TENM2: variants seen among roughly 807,000 people sequenced by gnomAD.
The protein encoded by TENM2 is teneurin transmembrane protein 2, also known as teneurin-2.
TENM2 carries 52 observed loss-of-function variants against 245.2 expected under a neutral mutation model. That is an observed-to-expected ratio of 0.21 (90% CI 0.17 to 0.27). The LOEUF (loss-of-function observed/expected upper bound fraction) is 0.27, where lower values mean the gene tolerates loss of function less well. TENM2 is among the 10% of genes least tolerant of loss of function. The pLI is 1.00. For missense variants in TENM2, 3,046 were observed against 3,666.8 expected, an observed-to-expected ratio of 0.83 and a Z score of 4.37; for synonymous variants, 1,363 against 1,438.9, an observed-to-expected ratio of 0.95 and a Z score of 1.19.
intron 5 of TENM2, among the ~76,000 whole-genome samples, chr5:168,044,904 CAAGT>C (rs1788482631): frequency 6.7e-6 from 1 of 150,086 alleles, no homozygotes; most frequent in Non-Finnish European, 1.5e-5. Context: ...TTTTCTTACT[CAAGT>C]GAGAGAGAAA....
intron 2 of TENM2, among the ~76,000 whole-genome samples, chr5:167,760,941 G>A (rs761283590): frequency 2.0e-5 from 3 of 152,086 alleles, no homozygotes; most frequent in South Asian, 2.1e-4. Context: ...GTGAGCCACC[G>A]CACCTGGCCT....
chr5:167,167,313 G>A, the TENM2 span, among the ~76,000 whole-genome samples: 4 of 152,066 alleles, frequency 2.6e-5, no homozygotes, highest in Admixed American at 2.6e-4. Context: ...CTTTTATTAT[G>A]GTAAGTTCCC....
At chr5:167,705,690 T>C (rs1481615708) in intron 2 of TENM2, among the ~76,000 whole-genome samples, 4 of 152,212 alleles carry the variant, frequency 2.6e-5, no homozygotes, top group Admixed American at 2.0e-4. Context: ...TTTAGGCTTA[T>C]AAAGCAAAGA....
intron 2 of TENM2, among the ~76,000 whole-genome samples, chr5:167,602,086 A>G (rs1472188881): frequency 6.6e-6 from 1 of 151,840 alleles, no homozygotes; most frequent in African/African-American, 2.4e-5. Context: ...GGTTTTGGCC[A>G]TGAATACTGC....
At position 167,285,398 on chromosome 5, in the gene TENM2, G is replaced by A. The variant is rs116578682; in HGVS notation, c.226+335G>A. Among the ~76,000 whole-genome samples the A allele has an allele frequency of 7.9e-3, 1,207 of 152,102 alleles. 16 individuals are homozygous for A. The highest frequency in any genetic ancestry group is 0.027 in the African/African-American group (1,133 of 41,480). ...TCTTTGAAATAGTGTATAATAATAC[G>A]CCCTTTTCCCTCTACTAAAATATGA... On this transcript the variant is annotated intron_variant, in intron 1 of 28. Coordinates refer to ENST00000518659, the Ensembl canonical transcript of TENM2.
chr5:167,940,302 G>A (rs932946607), intron 3 of TENM2, among the ~76,000 whole-genome samples: 6 of 152,084 alleles, frequency 3.9e-5, no homozygotes, highest in Non-Finnish European at 7.4e-5. Flanking sequence ...TTCAACAACC[G>A]TCTATTGTGT....
intron 13 of TENM2, among the ~76,000 whole-genome samples, chr5:168,163,289 C>A (rs1562235089): frequency 1.3e-5 from 2 of 152,152 alleles, no homozygotes; most frequent in Non-Finnish European, 1.5e-5. Context: ...TCTTTTCTAA[C>A]CAGTAGTTGG....
chr5:168,051,718 G>A (rs147494910), intron 6 of TENM2, among the ~76,000 whole-genome samples: 162 of 152,306 alleles, frequency 1.1e-3, no homozygotes, highest in African/African-American at 3.7e-3. Context: ...GCAACTGTAT[G>A]ACTGTAAGTG....
At chr5:166,995,177 A>G in the TENM2 span, among the ~76,000 whole-genome samples, 14 of 152,186 alleles carry the variant, frequency 9.2e-5, no homozygotes, top group East Asian at 3.9e-4. Context: ...TTCCTTCAGG[A>G]ACATAGAAAA....
chr5:167,666,927 G>A (rs1029156872), intron 2 of TENM2, among the ~76,000 whole-genome samples: 2 of 152,144 alleles, frequency 1.3e-5, no homozygotes, highest in South Asian at 4.1e-4. Flanking sequence ...GTTTGCCTGA[G>A]ACTGAAAGGG....
the TENM2 span, among the ~76,000 whole-genome samples, chr5:167,157,154 C>A: frequency 6.6e-6 from 1 of 152,120 alleles, no homozygotes; most frequent in Non-Finnish European, 1.5e-5. Flanking sequence ...TATATAGTAG[C>A]CCCATTAGTT....
intron 2 of TENM2, among the ~76,000 whole-genome samples, chr5:167,616,129 G>C (rs985099486): frequency 4.6e-5 from 7 of 152,074 alleles, no homozygotes; most frequent in African/African-American, 1.7e-4. Context: ...TTGCTTATTG[G>C]AGATGTTAGC....
At chr5:167,916,705 A>G (rs1429788052) in intron 3 of TENM2, among the ~76,000 whole-genome samples, 1 of 152,120 alleles carries the variant, frequency 6.6e-6, no homozygotes, top group African/African-American at 2.4e-5. Context: ...TCTTCCTGAG[A>G]GGAAGGGAGG....
the TENM2 span, among the ~76,000 whole-genome samples, chr5:167,169,277 G>A: frequency 6.6e-6 from 1 of 152,100 alleles, no homozygotes. Flanking sequence ...GGATGTTTTC[G>A]TTGTCTCATT....
chr5:167,028,605 A>G, the TENM2 span, among the ~76,000 whole-genome samples: 2 of 152,092 alleles, frequency 1.3e-5, no homozygotes, highest in Non-Finnish European at 2.9e-5. Flanking sequence ...TGTAAAAACA[A>G]TATATTAGAT....
intron 2 of TENM2, among the ~76,000 whole-genome samples, chr5:167,587,761 G>A (rs538164045): frequency 2.0e-5 from 3 of 152,184 alleles, no homozygotes; most frequent in East Asian, 1.9e-4. Context: ...GAATAAATAC[G>A]AACATCAGAT....
intron 19 of TENM2, among the ~76,000 whole-genome samples, chr5:168,210,201 T>C (rs937172602): frequency 5.9e-5 from 9 of 152,198 alleles, no homozygotes; most frequent in African/African-American, 2.2e-4. Context: ...TGGACTGGAA[T>C]AGCAGTGACC....
intron 4 of TENM2, among the ~76,000 whole-genome samples, chr5:167,968,845 A>G (rs956005988): frequency 2.6e-5 from 4 of 152,102 alleles, no homozygotes; most frequent in African/African-American, 9.7e-5. Context: ...CACTCTCACC[A>G]ATTCAGGAAA....
chr5:167,129,378 C>T, the TENM2 span, among the ~76,000 whole-genome samples: 1 of 152,112 alleles, frequency 6.6e-6, no homozygotes, highest in Non-Finnish European at 1.5e-5. Flanking sequence ...GAGAGATAGG[C>T]AGTGCAATTA....
Sources: gnomAD v4.1 joint callset for allele counts (sites outside exome capture counted in the v4.1 genomes callset) on GRCh38, gnomAD v4.1.1 for gene constraint, MANE v1.5 for transcripts, NCBI Gene and HGNC (gene_info 2026-07-23, HGNC 2026-07-21) for gene names.